Variants in ADGRB3 observed in about 807,000 individuals in gnomAD.
ADGRB3 encodes adhesion G protein-coupled receptor B3.
A neutral mutation model predicts 193.4 loss-of-function variants in ADGRB3; 37 were observed. The observed-to-expected ratio is 0.19, with a 90% CI of 0.15 to 0.25. ADGRB3 has a LOEUF of 0.25. Ranked by LOEUF, ADGRB3 falls within the 10% of genes least tolerant of loss-of-function variation. The pLI is 1.00. For missense variants in ADGRB3, 1,637 were observed against 1,852.9 expected, an observed-to-expected ratio of 0.88 and a Z score of 2.14; for synonymous variants, 690 against 644.2, an observed-to-expected ratio of 1.07 and a Z score of -1.08.
chr6:69,031,036 TC>T (rs55974452), intron 13 of ADGRB3, among the ~76,000 whole-genome samples: 707 of 62,618 alleles, frequency 0.011, 101 homozygotes, highest in African/African-American at 0.02. Flanking sequence ...CCTCTTCTCT[TC>T]TCTCTTCTCT....
At chr6:69,246,859 G>A (rs1437130400) in intron 20 of ADGRB3, among the ~76,000 whole-genome samples, 4 of 152,132 alleles carry the variant, frequency 2.6e-5, no homozygotes, top group African/African-American at 9.7e-5. Flanking sequence ...CACTCAACAG[G>A]GAAGAAGCAG....
chr6:68,776,438 C>A (rs186958693), intron 3 of ADGRB3, among the ~76,000 whole-genome samples: 71 of 152,242 alleles, frequency 4.7e-4, no homozygotes, highest in African/African-American at 1.5e-3. Context: ...TGGGGTATGA[C>A]CCCTCTGGTT....
At chr6:69,283,224 T>C (rs904555108) in intron 20 of ADGRB3, among the ~76,000 whole-genome samples, 4 of 152,212 alleles carry the variant, frequency 2.6e-5, no homozygotes, top group Non-Finnish European at 1.5e-5. Flanking sequence ...TTCTGTTTTG[T>C]AACAGGGTAG....
At chr6:68,709,820 T>C (rs1246458349) in intron 3 of ADGRB3, among the ~76,000 whole-genome samples, 1 of 152,212 alleles carries the variant, frequency 6.6e-6, no homozygotes, top group Non-Finnish European at 1.5e-5. Context: ...CATATTTCTC[T>C]TGAAGAACAA....
intron 16 of ADGRB3, among the ~76,000 whole-genome samples, chr6:69,065,758 T>TACACACACAC (rs1491430136): frequency 9.5e-4 from 98 of 102,790 alleles, no homozygotes; most frequent in South Asian, 6.9e-3. Context: ...ACTTCATGTA[T>TACACACACAC]ATATATACAC....
chr6:69,312,563 AGTTGTAGTG>A (rs998225223), intron 20 of ADGRB3, among the ~76,000 whole-genome samples: 67 of 151,784 alleles, frequency 4.4e-4, no homozygotes, highest in African/African-American at 1.6e-3. Flanking sequence ...AGTGTAATTC[AGTTGTAGTG>A]GTTGTTTAAA....
intron 3 of ADGRB3, among the ~76,000 whole-genome samples, chr6:68,707,367 C>G (rs1765342850): frequency 6.6e-6 from 1 of 152,028 alleles, no homozygotes; most frequent in Admixed American, 6.5e-5. Flanking sequence ...TTAAGAAACT[C>G]CTTTTCGGCA....
At chr6:69,091,182 C>T (rs1772694122) in intron 17 of ADGRB3, among the ~76,000 whole-genome samples, 1 of 152,198 alleles carries the variant, frequency 6.6e-6, no homozygotes, top group Non-Finnish European at 1.5e-5. Flanking sequence ...TGCTTATACA[C>T]TGTTGATGGG....
At chr6:69,261,042 T>G (rs954186069) in intron 20 of ADGRB3, among the ~76,000 whole-genome samples, 1 of 152,020 alleles carries the variant, frequency 6.6e-6, no homozygotes, top group Non-Finnish European at 1.5e-5. Flanking sequence ...TTCCAATGTT[T>G]TTATCATCAC....
At chr6:68,999,279 T>G (rs1769489603) in intron 11 of ADGRB3, among the ~76,000 whole-genome samples, 1 of 151,456 alleles carries the variant, frequency 6.6e-6, no homozygotes, top group African/African-American at 2.4e-5. Flanking sequence ...TTTTTTTTTT[T>G]TTTGAGATGG....
chr6:68,649,815 C>T (rs1768306602), intron 3 of ADGRB3, among the ~76,000 whole-genome samples: 1 of 152,150 alleles, frequency 6.6e-6, no homozygotes, highest in African/African-American at 2.4e-5. Context: ...CCTTGCATTG[C>T]TGTGGGTTGG....
intron 3 of ADGRB3, among the ~76,000 whole-genome samples, chr6:68,904,925 A>G (rs557912069): frequency 1.6e-3 from 243 of 152,284 alleles, no homozygotes; most frequent in Non-Finnish European, 2.7e-3. Flanking sequence ...TTCAAAAATG[A>G]AAATCTTTCT....
intron 13 of ADGRB3, among the ~76,000 whole-genome samples, chr6:69,041,629 T>C (rs560677145): frequency 1.3e-5 from 2 of 151,930 alleles, no homozygotes; most frequent in African/African-American, 4.8e-5. Flanking sequence ...AGGAATTTTT[T>C]TTTTGAGAGT....
At chr6:69,270,019 C>T (rs928867467) in intron 20 of ADGRB3, among the ~76,000 whole-genome samples, 1 of 152,048 alleles carries the variant, frequency 6.6e-6, no homozygotes, top group African/African-American at 2.4e-5. Context: ...CAATGTTTCT[C>T]ATCTTTATAC....
At chr6:68,796,805 A>G (rs934629925) in intron 3 of ADGRB3, among the ~76,000 whole-genome samples, 2 of 152,160 alleles carry the variant, frequency 1.3e-5, no homozygotes, top group Admixed American at 6.5e-5. Context: ...TTAGGCGCCT[A>G]TTGATAAGTA....
chr6:68,792,380 G>C (rs1345789917), intron 3 of ADGRB3, among the ~76,000 whole-genome samples: 1 of 152,160 alleles, frequency 6.6e-6, no homozygotes, highest in Non-Finnish European at 1.5e-5. Flanking sequence ...CCTGTCCTAT[G>C]AGCATTAATG....
At chr6:69,022,821 A>G (rs905100102) in intron 13 of ADGRB3, among the ~76,000 whole-genome samples, 1 of 152,036 alleles carries the variant, frequency 6.6e-6, no homozygotes, top group Non-Finnish European at 1.5e-5. Context: ...AGTTCCAAAT[A>G]CAAAATGGAG....
intron 3 of ADGRB3, among the ~76,000 whole-genome samples, chr6:68,694,692 A>T (rs890880812): frequency 6.6e-6 from 1 of 151,928 alleles, no homozygotes; most frequent in African/African-American, 2.4e-5. Context: ...TCTTGTCTCC[A>T]GCCTACATTA....
chr6:69,306,082 C>A (rs1440018676), intron 20 of ADGRB3, among the ~76,000 whole-genome samples: 4 of 151,354 alleles, frequency 2.6e-5, no homozygotes, highest in African/African-American at 9.8e-5. Context: ...TTGAGCATCC[C>A]TGGATTTGGG....
Sources: allele counts gnomAD v4.1 joint callset (sites outside exome capture counted in the v4.1 genomes callset), GRCh38; gene constraint gnomAD v4.1.1; transcripts MANE v1.5; gene names NCBI Gene and HGNC (gene_info 2026-07-23, HGNC 2026-07-21).